Variants in FHOD3 observed in about 807,000 individuals in gnomAD.
FHOD3 encodes the protein formin homology 2 domain containing 3.
Under a neutral mutation model 173.0 loss-of-function variants are expected in FHOD3, and 90 were observed. The ratio of observed to expected loss-of-function variants is 0.52; its 90% CI spans 0.44 to 0.62. The LOEUF is 0.62. Among genes scored for constraint, FHOD3 ranks in the 20% least tolerant of loss-of-function variants. The probability of loss-of-function intolerance (pLI) is 0.00; values close to 1 mark genes in which losing one functional copy is unlikely to be tolerated. For synonymous variants in FHOD3, 828 were observed against 823.0 expected (o/e 1.01, Z -0.10); for missense variants, 1,945 against 2,034.7 (o/e 0.96, Z 0.85).
At chr18:36,423,329 GA>G (rs1479403752) in intron 3 of FHOD3, among the ~76,000 whole-genome samples, 2 of 152,166 alleles carry the variant, frequency 1.3e-5, no homozygotes, top group Non-Finnish European at 2.9e-5. Context: ...AGCAGGTGTG[GA>G]AAAGGAGGTT....
rs147145485 is a variant in FHOD3, at chr18:36,388,330, G to A, written c.337+15586G>A. 2.1e-3 allele frequency among the ~76,000 whole-genome samples: 317 copies of A among 152,226 alleles called. 1 individual carries two copies. Among genetic ancestry groups the A allele is most frequent in the African/African-American group, 7.2e-3 (299 of 41,538 alleles). On this transcript the variant is annotated intron_variant, in intron 3 of 28. Transcript: ENST00000590592. ...CCAGGTCTGCTCTTTTTCAGACATAGACAGAAAATGGGTAAAATGTGTTCC... is the reference window on the plus strand; with the variant it reads ...CCAGGTCTGCTCTTTTTCAGACATAAACAGAAAATGGGTAAAATGTGTTCC...
intron 4 of FHOD3, 97 bp from the exon 5 acceptor site, chr18:36,512,341 C>A: frequency 1.1e-6 from 1 of 871,998 alleles, no homozygotes. Flanking sequence ...AGGGTCCATT[C>A]TGGCTTTAAA....
At chr18:36,404,759 G>C (rs1374993499) in intron 3 of FHOD3, among the ~76,000 whole-genome samples, 2 of 152,146 alleles carry the variant, frequency 1.3e-5, no homozygotes, top group East Asian at 3.9e-4. Context: ...TTGCGGTATT[G>C]TTCCTCCATC....
chr18:36,740,737 G>A lies in FHOD3; in HGVS notation c.3658G>A (p.Gly1220Ser). 6.2e-7 allele frequency: 1 copy of A among 1,613,884 alleles called. No homozygotes were observed. Among genetic ancestry groups the A allele is most frequent in the Non-Finnish European group, 8.5e-7 (1 of 1,179,980 alleles). Residue 1220 changes from glycine to serine, a missense_variant, in exon 21 of 29, where the codon GGC becomes AGC. Physicochemically the swap from Gly to Ser is moderately conservative, Grantham distance 56 (BLOSUM62 0). Coordinates refer to ENST00000590592, the MANE Select transcript of FHOD3 (RefSeq NM_001281740.3). ...GCTGGCCAACCCTGAAATCCCCCTG[G>A]GCAGTGCAGAGCAGTTCCTCCTCAC... ...AQLANPEIPL[G>S]SAEQFLLTLS...
At chr18:36,488,896 A>G (rs943391003) in intron 3 of FHOD3, among the ~76,000 whole-genome samples, 1 of 152,168 alleles carries the variant, frequency 6.6e-6, no homozygotes, top group Non-Finnish European at 1.5e-5. Flanking sequence ...GGTGCCATAG[A>G]TGAAGTAGAG....
At chr18:36,325,290 A>G (rs2044614589) in intron 1 of FHOD3, among the ~76,000 whole-genome samples, 1 of 151,440 alleles carries the variant, frequency 6.6e-6, no homozygotes, top group Middle Eastern at 3.4e-3. Context: ...ATTGATTTAT[A>G]TAGCTTTCTA....
chr18:36,316,478 C>T (rs182388829), intron 1 of FHOD3, among the ~76,000 whole-genome samples: 9 of 152,184 alleles, frequency 5.9e-5, no homozygotes, highest in East Asian at 1.9e-4. Context: ...AGATGGATAG[C>T]GAGGTCACCT....
intron 3 of FHOD3, among the ~76,000 whole-genome samples, chr18:36,483,581 A>G (rs1339936011): frequency 1.3e-5 from 2 of 152,236 alleles, no homozygotes; most frequent in East Asian, 1.9e-4. Context: ...GAACAAAACC[A>G]TAATTAATGC....
intron 5 of FHOD3, among the ~76,000 whole-genome samples, chr18:36,560,833 T>A (rs1284118749): frequency 1.3e-5 from 2 of 148,980 alleles, no homozygotes; most frequent in Non-Finnish European, 3.0e-5. Flanking sequence ...GCTGTTTTTT[T>A]TTTTTTCTGT....
chr18:36,625,720 G>T lies in FHOD3; in HGVS notation c.1167G>T (p.Lys389Asn), dbSNP rs746687054. 17 of 1,609,946 alleles carry T rather than the reference G, an allele frequency of 1.1e-5. No homozygotes were observed. Among genetic ancestry groups the T allele is most frequent in the Non-Finnish European group, 1.1e-5 (13 of 1,177,546 alleles). ...GCTCCCAGTCAGCTCCCAGCTTCAA[G>T]CCCAACCAAGTGCGAGATCTGCGTG... ...SPCSQSAPSF[K>N]PNQVRDLREK... The change falls in exon 10 of 29, where the codon AAG (lysine) becomes AAT (asparagine). Residue 389 changes from lysine (K) to asparagine (N), a missense_variant. By Grantham distance (94) the Lys-to-Asn change is moderately conservative. Coordinates refer to ENST00000590592, the MANE Select transcript of FHOD3 (RefSeq NM_001281740.3).
intron 3 of FHOD3, among the ~76,000 whole-genome samples, chr18:36,448,301 G>A (rs2051617102): frequency 1.3e-5 from 2 of 152,134 alleles, no homozygotes; most frequent in African/African-American, 4.8e-5. Flanking sequence ...TAAAGGGTAG[G>A]GTAGAAGCCA....
chr18:36,300,566 G>C (rs948805087), intron 1 of FHOD3, among the ~76,000 whole-genome samples: 1 of 152,138 alleles, frequency 6.6e-6, no homozygotes, highest in Admixed American at 6.5e-5. Context: ...GCCACAGGGC[G>C]TGCTTCTTCC....
chr18:36,467,489 G>A (rs1300709805), intron 3 of FHOD3, among the ~76,000 whole-genome samples: 1 of 152,040 alleles, frequency 6.6e-6, no homozygotes, highest in Non-Finnish European at 1.5e-5. Context: ...CCCTTCCAGG[G>A]CAGAGGCAAG....
chr18:36,339,669 A>G (rs192888933), intron 1 of FHOD3, among the ~76,000 whole-genome samples: 38 of 152,252 alleles, frequency 2.5e-4, no homozygotes, highest in African/African-American at 8.7e-4. Flanking sequence ...GTGCAGGTGC[A>G]GAGAGAGTTG....
chr18:36,743,581 A>G (rs1422178959), intron 22 of FHOD3, among the ~76,000 whole-genome samples: 1 of 152,190 alleles, frequency 6.6e-6, no homozygotes, highest in African/African-American at 2.4e-5. Context: ...CAAGATATAC[A>G]GGTTTGTTAC....
At chr18:36,603,607 G>T (rs1282338903) in intron 8 of FHOD3, among the ~76,000 whole-genome samples, 1 of 151,954 alleles carries the variant, frequency 6.6e-6, no homozygotes, top group African/African-American at 2.4e-5. Context: ...AGGTTCAAGA[G>T]ATCCTCCTGC....
chr18:36,645,723 A>C (rs2035633614), intron 10 of FHOD3, among the ~76,000 whole-genome samples: 1 of 152,240 alleles, frequency 6.6e-6, no homozygotes, highest in South Asian at 2.1e-4. Flanking sequence ...CTGTATATAA[A>C]AAGATAATAC....
At chr18:36,702,411 A>G (rs2039640215) in intron 17 of FHOD3, among the ~76,000 whole-genome samples, 1 of 152,254 alleles carries the variant, frequency 6.6e-6, no homozygotes, top group South Asian at 2.1e-4. Context: ...GGCAAAGTCT[A>G]AAAGATTTTG....
At chr18:36,645,877 T>G (rs1356411124) in intron 10 of FHOD3, among the ~76,000 whole-genome samples, 1 of 152,126 alleles carries the variant, frequency 6.6e-6, no homozygotes, top group Non-Finnish European at 1.5e-5. Flanking sequence ...AGGAAAGGCA[T>G]TTGACAGAAC....
Sources: allele counts gnomAD v4.1 joint callset (sites outside exome capture counted in the v4.1 genomes callset), GRCh38; gene constraint gnomAD v4.1.1; transcripts MANE v1.5; gene names NCBI Gene and HGNC (gene_info 2026-07-23, HGNC 2026-07-21).